Variants in RANBP1 observed in about 807,000 individuals in gnomAD.
The protein encoded by RANBP1 is RAN binding protein 1, also known as ran-specific GTPase-activating protein.
A neutral mutation model predicts 31.4 loss-of-function variants in RANBP1; 16 were observed. That is an observed-to-expected ratio of 0.51 (90% CI 0.34 to 0.77). RANBP1 has a LOEUF of 0.77. Ranked by LOEUF, RANBP1 falls within the 30% of genes least tolerant of loss-of-function variation. The pLI is 0.01. For synonymous variants in RANBP1, 129 were observed against 140.5 expected (o/e 0.92, Z 0.58); for missense variants, 265 against 362.0 (o/e 0.73, Z 2.17).
rs1255617689 is a variant in RANBP1 at position 20,118,373 on chromosome 22, A to T, written c.247-640A>T. 5 of 996,648 alleles carry T rather than the reference A, an allele frequency of 5.0e-6. No homozygotes were observed. In the East Asian group the frequency reaches 4.5e-4, roughly 91 times the overall value. The allele number at this position is 996,648 out of a possible 1,614,324, so 61.7% of individuals were successfully genotyped here. ...ATTATTGGTGCTCTCTTATCCTCTA[A>T]ATTGGGCCAGGATTTCATGACTTTC... is the stretch of plus-strand genomic sequence containing the variant. On this transcript the variant is annotated intron_variant, in intron 1 of 5. Coordinates refer to ENST00000430524, the MANE Select transcript of RANBP1 (RefSeq NM_001278639.2).
chr22:20,125,622 TC>T (rs1312832843), intron 4 of RANBP1, 186 bp downstream of exon 4: 42 of 1,489,064 alleles, frequency 2.8e-5, no homozygotes, highest in Admixed American at 6.5e-5. Flanking sequence ...AGCAGCGCCT[TC>T]CCCCTTAAAC....
In RANBP1 at chr22:20,116,322, G is replaced by A. The variant is rs41281431; in HGVS notation, c.138G>A (p.Lys46=). The A allele has an allele frequency of 2.4e-4, 395 of 1,612,992 alleles. No homozygotes were observed. The highest frequency in any genetic ancestry group is 2.8e-4 in the Non-Finnish European group (336 of 1,180,026). Residue 46 remains lysine, a synonymous_variant, in exon 1 of 6, where the codon AAG becomes AAA. Transcript: ENST00000430524. ...NVTKAQGGCP[K]SLVLWGCRPK... ...CAAAGGCGCAGGGTGGTTGCCCAAA[G>A]AGTTTGGTTTTGTGGGGCTGCAGAC...
chr22:20,125,661 C>T (rs779093180), intron 4 of RANBP1: 1 of 1,421,470 alleles, frequency 7.0e-7, no homozygotes, highest in South Asian at 1.4e-5. Context: ...AGCTGGTGAA[C>T]AGCAGTGCCC....
chr22:20,120,335 G>C (rs2050146363), intron 2 of RANBP1, among the ~76,000 whole-genome samples: 1 of 149,286 alleles, frequency 6.7e-6, no homozygotes, highest in South Asian at 2.1e-4. Flanking sequence ...CGTAGCCCCT[G>C]TTTGGGAGTA....
In RANBP1 at chr22:20,116,449, A is replaced by G; in HGVS notation, c.246+19A>G. The G allele has an allele frequency of 6.2e-7, 1 of 1,612,806 alleles. No homozygotes were observed. The highest frequency in any genetic ancestry group is 8.5e-7 in the Non-Finnish European group (1 of 1,179,874). On this transcript the variant is annotated intron_variant, in intron 1 of 5. Transcript: ENST00000430524. Reference sequence around the variant, plus strand: ...CTCAGAGGTAAACAAGTCATCCCTGATGTAGCTGTAGAGCCCGGGCTGAGG... The same window carrying G: ...CTCAGAGGTAAACAAGTCATCCCTGGTGTAGCTGTAGAGCCCGGGCTGAGG...
At chr22:20,117,276 AC>A in intron 1 of RANBP1, 1 of 678,468 alleles carries the variant, frequency 1.5e-6, no homozygotes, top group Non-Finnish European at 2.1e-6. Flanking sequence ...CCAACCCCCA[AC>A]CACTTTAGCC....
At position 20,127,344 on chromosome 22, in the gene RANBP1, T is replaced by G; in HGVS notation, c.*292T>G. On this transcript the variant is annotated 3_prime_UTR_variant, in exon 6 of 6. Transcript: ENST00000430524. Reference sequence around the variant, plus strand: ...CAAAAATAGTGAATAAAAAACACATTTGGAACCTGGGCCAGATGGCAGGAC... The same window carrying G: ...CAAAAATAGTGAATAAAAAACACATGTGGAACCTGGGCCAGATGGCAGGAC... 1 of 284,614 alleles carries G rather than the reference T, an allele frequency of 3.5e-6. No homozygotes were observed. Among genetic ancestry groups the G allele is most frequent in the South Asian group, 3.6e-5 (1 of 27,928 alleles). The allele number at this position is 284,614 out of a possible 1,614,324, so 17.6% of individuals were successfully genotyped here.
chr22:20,122,158 G>A (rs562046380), intron 2 of RANBP1, 106 bp from the exon 3 acceptor site: 21 of 1,308,570 alleles, frequency 1.6e-5, no homozygotes, highest in Admixed American at 2.1e-5. Context: ...TGGGGCGTTC[G>A]TGGAGGCATG....
rs754217731 is a variant in RANBP1 at position 20,116,929 on chromosome 22, G to A, written c.246+499G>A. The A allele has an allele frequency of 5.0e-6, 8 of 1,586,198 alleles. No homozygotes were observed. The Admixed American group carries it at 1.4e-4, about 28-fold the overall frequency. ...CATCGCCCAGGCGGTTCTCCGCCTA[G>A]ACCAGGGACGCCATGGGGGCCGCCT... On this transcript the variant is annotated intron_variant, in intron 1 of 5. Transcript: ENST00000430524.
chr22:20,125,546 T>C (rs2050277065), intron 4 of RANBP1, 110 bp downstream of exon 4: 4 of 1,539,000 alleles, frequency 2.6e-6, no homozygotes, highest in Non-Finnish European at 3.5e-6. Context: ...GGGCAGTAAC[T>C]GGGAAGTGTG....
At chr22:20,124,755 A>G (rs1021357318) in intron 3 of RANBP1, 6 of 159,388 alleles carry the variant, frequency 3.8e-5, no homozygotes, top group Non-Finnish European at 6.8e-5. Flanking sequence ...CCTTCTGGCA[A>G]CTGCCCCACT....
chr22:20,117,262 G>A lies in RANBP1; in HGVS notation c.246+832G>A, dbSNP rs188300353. On this transcript the variant is annotated intron_variant, in intron 1 of 5. Coordinates refer to ENST00000430524, the MANE Select transcript of RANBP1 (RefSeq NM_001278639.2). ...TCTGGCAACGTCATCGTCACGCGCC[G>A]GATCCAACCCCCAACCACTTTAGCC... 20 of 603,218 alleles carry A rather than the reference G, an allele frequency of 3.3e-5. No individual in the cohort carries two copies. In the East Asian group the frequency reaches 5.6e-4, roughly 17 times the overall value. The allele number at this position is 603,218 out of a possible 1,614,324, so 37.4% of individuals were successfully genotyped here. A position where few individuals can be genotyped will look rare whatever the true frequency, so the allele number is the denominator to read the frequency against.
At position 20,127,101 on chromosome 22, in the gene RANBP1, A is replaced by G. The variant is rs1259809503; in HGVS notation, c.*49A>G. The G allele has an allele frequency of 2.0e-6, 3 of 1,498,068 alleles. No homozygotes were observed. Among genetic ancestry groups the G allele is most frequent in the Admixed American group, 4.5e-5 (2 of 44,264 alleles). 92.8% of individuals were successfully genotyped at this position (1,498,068 alleles called of 1,614,324 possible). A position where few individuals can be genotyped will look rare whatever the true frequency, so the allele number is the denominator to read the frequency against. ...CCTCTCTTTCCTTTCCTTTTTTTAAAAAATTTTACCCTGCCCCTCTTTTTC... is the reference window on the plus strand; with the variant it reads ...CCTCTCTTTCCTTTCCTTTTTTTAAGAAATTTTACCCTGCCCCTCTTTTTC... On this transcript the variant is annotated 3_prime_UTR_variant, in exon 6 of 6. Coordinates refer to ENST00000430524, the MANE Select transcript of RANBP1 (RefSeq NM_001278639.2).
intron 5 of RANBP1, 166 bp downstream of exon 5, chr22:20,126,534 G>A: frequency 6.3e-7 from 1 of 1,576,740 alleles, no homozygotes. Flanking sequence ...GGTGCTTCCT[G>A]GGGAGCCCTG....
At chr22:20,117,766 C>T in intron 1 of RANBP1, 1 of 1,067,940 alleles carries the variant, frequency 9.4e-7, no homozygotes, top group Non-Finnish European at 1.1e-6. Context: ...CCTCCGCCGG[C>T]CTGCAGGCTC....
At chr22:20,116,712 C>T (rs2008701) in intron 1 of RANBP1, 242,737 of 1,446,244 alleles carry the variant, frequency 0.17, 22,637 homozygotes, top group Middle Eastern at 0.19. Flanking sequence ...TCGGTGCACT[C>T]TGCACTCAGC....
At chr22:20,117,375 A>T in intron 1 of RANBP1, 2 of 1,203,412 alleles carry the variant, frequency 1.7e-6, no homozygotes, top group Non-Finnish European at 2.1e-6. Context: ...CGGGCCGGGC[A>T]TGCGCCGCGG....
chr22:20,125,293 C>T lies in RANBP1; in HGVS notation c.542-15C>T. ...GCAGTCATCTCACCATCTTCACGAG[C>T]TTCTCTCTCTTCAGTCACGCCGATG... On this transcript the variant is annotated splice_polypyrimidine_tract_variant and intron_variant, in intron 3 of 5. Transcript: ENST00000430524. 1 of 1,611,478 alleles carries T rather than the reference C, an allele frequency of 6.2e-7. No individual in the cohort carries two copies. The highest frequency in any genetic ancestry group is 8.5e-7 in the Non-Finnish European group (1 of 1,179,814).
At chr22:20,119,943 G>C (rs1242387036) in intron 2 of RANBP1, among the ~76,000 whole-genome samples, 2 of 152,264 alleles carry the variant, frequency 1.3e-5, no homozygotes, top group Non-Finnish European at 2.9e-5. Flanking sequence ...TGGCTACAGT[G>C]GTGGGTACCA....
Sources: gnomAD v4.1 joint callset for allele counts (sites outside exome capture counted in the v4.1 genomes callset) on GRCh38, gnomAD v4.1.1 for gene constraint, MANE v1.5 for transcripts, NCBI Gene and HGNC (gene_info 2026-07-23, HGNC 2026-07-21) for gene names.